NAB1: variants seen among roughly 807,000 people sequenced by gnomAD.
NAB1 encodes NGFI-A-binding protein 1.
Under a neutral mutation model 49.9 loss-of-function variants are expected in NAB1, and 25 were observed. That is an observed-to-expected ratio of 0.50 (90% confidence interval 0.37 to 0.70). The LOEUF is 0.70. Ranked by LOEUF, NAB1 falls within the 30% of genes least tolerant of loss-of-function variation. The pLI is 0.00. For synonymous variants in NAB1, 198 were observed against 215.6 expected (o/e 0.92, Z 0.71); for missense variants, 489 against 575.9 (o/e 0.85, Z 1.54).
chr2:190,673,069 T>TG (rs1694897030), intron 5 of NAB1, 32 bp from the exon 6 acceptor site: 1 of 1,147,630 alleles, frequency 8.7e-7, no homozygotes, highest in Non-Finnish European at 1.2e-6. Flanking sequence ...TTTCTCAAGT[T>TG]TTTTTTTTTT....
Position 190,685,703 on chromosome 2 carries a change from C to A in NAB1, c.1258+65C>A. ...GTGCACTTCAAAGAGAAACAGAAGA[C>A]AGTGGCTGATTTTTAAATTATGATA... On this transcript the variant is annotated intron_variant, in intron 8 of 9. Coordinates refer to ENST00000337386, the MANE Select transcript of NAB1 (RefSeq NM_005966.4). This position sits in a 1 kb window ranked among gnomAD's most constrained non-coding sequence, Gnocchi z 4.5. The A allele has an allele frequency of 2.4e-6, 3 of 1,230,022 alleles. No individual in the cohort carries two copies. Among genetic ancestry groups the A allele is most frequent in the Non-Finnish European group, 3.2e-6 (3 of 938,072 alleles). The allele number at this position is 1,230,022 out of a possible 1,614,324, so 76.2% of individuals were successfully genotyped here. A position where few individuals can be genotyped will look rare whatever the true frequency, so the allele number is the denominator to read the frequency against.
Position 190,661,104 on chromosome 2 carries a change from T to G in NAB1, c.819+1109T>G, listed in dbSNP as rs77520206. On this transcript the variant is annotated intron_variant, in intron 4 of 9. Transcript: ENST00000337386. ...CACCACACCAAGTTAATTTTTTAAG[T>G]TTTTCATAGAGATGGGAGTTTCTCC... 5.5e-3 allele frequency among the ~76,000 whole-genome samples: 842 copies of G among 152,178 alleles called. 4 individuals carry two copies. Among genetic ancestry groups the G allele is most frequent in the Admixed American group, 8.9e-3 (136 of 15,290 alleles).
chr2:190,673,424 A>T (rs1458424109), intron 6 of NAB1, among the ~76,000 whole-genome samples: 1 of 151,976 alleles, frequency 6.6e-6, no homozygotes, highest in East Asian at 1.9e-4. Context: ...TTGCACTCAA[A>T]CTCCTGGGCT....
At chr2:190,671,743 T>C (rs1694818588) in intron 5 of NAB1, among the ~76,000 whole-genome samples, 1 of 150,920 alleles carries the variant, frequency 6.6e-6, no homozygotes, top group Admixed American at 6.6e-5. Flanking sequence ...TTTAGCCATT[T>C]CCTCTAGTAT....
At position 190,667,724 on chromosome 2, in the gene NAB1, G is replaced by A. The variant is rs1385837865; in HGVS notation, c.820-2602G>A. 6.6e-6 allele frequency among the ~76,000 whole-genome samples: 1 copy of A among 152,032 alleles called. No individual in the cohort carries two copies. The highest frequency in any genetic ancestry group is 2.4e-5 in the African/African-American group (1 of 41,374). ...ATTACAGTTATAAATTTGGGGAGGA[G>A]GATGTTAAATATCTATATCATACCA... is the stretch of plus-strand genomic sequence containing the variant. On this transcript the variant is annotated intron_variant, in intron 4 of 9. Transcript: ENST00000337386. This position sits in a 1 kb window ranked among gnomAD's most constrained non-coding sequence, Gnocchi z 4.4.
In NAB1 at chr2:190,681,654, G is replaced by A. The variant is rs148912736; in HGVS notation, c.1006-2084G>A. ...AAGCTACATAGGACCATCTTAAGAC[G>A]TTAAGTTTATTAGCTCTTGGCTCTA... On this transcript the variant is annotated intron_variant, in intron 6 of 9. Coordinates refer to ENST00000337386, the MANE Select transcript of NAB1 (RefSeq NM_005966.4). 2.9e-4 allele frequency among the ~76,000 whole-genome samples: 44 copies of A among 152,278 alleles called. 1 individual carries two copies. Among genetic ancestry groups the A allele is most frequent in the Middle Eastern group, 3.4e-3 (1 of 294 alleles).
chr2:190,655,568 G>A (rs149153890), intron 2 of NAB1, among the ~76,000 whole-genome samples: 24 of 152,332 alleles, frequency 1.6e-4, no homozygotes, highest in African/African-American at 5.3e-4. Flanking sequence ...AGATTAATGA[G>A]AGAGAGGCCC....
At chr2:190,681,984 A>G (rs1695371053) in intron 6 of NAB1, among the ~76,000 whole-genome samples, 1 of 152,178 alleles carries the variant, frequency 6.6e-6, no homozygotes, top group African/African-American at 2.4e-5. Flanking sequence ...TTTAATTGTA[A>G]ATGCTAATTT....
Position 190,673,084 on chromosome 2 carries a change from TC to T in NAB1, c.954-16del. 3 of 1,580,974 alleles carry T rather than the reference TC, an allele frequency of 1.9e-6. No individual in the cohort carries two copies. Among genetic ancestry groups the T allele is most frequent in the Admixed American group, 1.8e-5 (1 of 56,168 alleles). On this transcript the variant is annotated splice_polypyrimidine_tract_variant and intron_variant, in intron 5 of 9. Coordinates refer to ENST00000337386, the MANE Select transcript of NAB1 (RefSeq NM_005966.4). ...TTTCTCAAGTTTTTTTTTTTTTTTC[TC>T]TCCCCTTTCCCTTAGGTCAAAATGT...
rs1425832188 is a variant in NAB1 at position 190,691,731 on chromosome 2, A to C, written c.*1398A>C. ...GCATCTAAACCCAGATATTACTGAG[A>C]AGAGTGTATTGACTCTGAGTGTAAG... On this transcript the variant is annotated 3_prime_UTR_variant, in exon 10 of 10. Coordinates refer to ENST00000337386, the MANE Select transcript of NAB1 (RefSeq NM_005966.4). The surrounding 1 kb of genome is among the most constrained non-coding windows in gnomAD (Gnocchi z 4.1). 1 of 152,184 alleles carries C rather than the reference A, an allele frequency of 6.6e-6. No homozygotes were observed. The highest frequency in any genetic ancestry group is 1.5e-5 in the Non-Finnish European group (1 of 67,992). 9.4% of individuals were successfully genotyped at this position (152,184 alleles called of 1,614,324 possible).
rs149505976 is a variant in NAB1, at chr2:190,687,263, G to A, written c.1321G>A (p.Val441Met). 9.2e-5 allele frequency: 148 copies of A among 1,601,078 alleles called. 1 individual carries two copies. In the Middle Eastern group the frequency reaches 1.5e-3, roughly 16 times the overall value. The change falls in exon 9 of 10, where the codon GTG (valine) becomes ATG (methionine). Residue 441 changes from valine to methionine, a missense_variant. Around this residue, in one of 4 missense-constraint regions of NAB1, gnomAD observed 212 missense variants for 199.3 expected, o/e 1.06. Transcript: ENST00000337386. ...GAACAGACAACCCCATCATTTTGTG[G>A]TGGATGGGGAGCTGAGCAGACTTTA... The part of the protein sequence containing the change: ...LQNRQPHHFV[V>M]DGELSRLYPS...
chr2:190,655,022 T>G lies in NAB1; in HGVS notation c.-196-955T>G, dbSNP rs534562428. On this transcript the variant is annotated intron_variant, in intron 2 of 9. Coordinates refer to ENST00000337386, the MANE Select transcript of NAB1 (RefSeq NM_005966.4). ...AGGTTTTGACAATGCCCAGGTGGAA[T>G]GCCAAATTACAGTTCAGAAGAACAG... Among the ~76,000 whole-genome samples, 319 of 152,350 alleles carry G rather than the reference T, an allele frequency of 2.1e-3. 2 individuals carry two copies. The highest frequency in any genetic ancestry group is 7.4e-3 in the African/African-American group (309 of 41,570).
chr2:190,658,727 G>A (rs957124077), intron 3 of NAB1, among the ~76,000 whole-genome samples: 1 of 152,184 alleles, frequency 6.6e-6, no homozygotes. Context: ...TTAGACATAC[G>A]TAATGTAAAG....
At chr2:190,671,554 T>C (rs1375226351) in intron 5 of NAB1, among the ~76,000 whole-genome samples, 1 of 152,126 alleles carries the variant, frequency 6.6e-6, no homozygotes, top group Admixed American at 6.5e-5. Flanking sequence ...TTCATTGTAT[T>C]ATACACTATT....
rs1214695546 is a variant in NAB1, at chr2:190,663,135, T to C, written c.819+3140T>C. ...AGATTTCAGCATCTAACACTTGAAA[T>C]GCTGGACTTTTCCTTCTGATGATTT... On this transcript the variant is annotated intron_variant, in intron 4 of 9. Coordinates refer to ENST00000337386, the MANE Select transcript of NAB1 (RefSeq NM_005966.4). This position sits in a 1 kb window ranked among gnomAD's most constrained non-coding sequence, Gnocchi z 4.2. Among the ~76,000 whole-genome samples, 1 of 152,228 alleles carries C rather than the reference T, an allele frequency of 6.6e-6. No individual in the cohort carries two copies. The highest frequency in any genetic ancestry group is 1.5e-5 in the Non-Finnish European group (1 of 68,034).
intron 6 of NAB1, among the ~76,000 whole-genome samples, chr2:190,683,104 T>C (rs893733116): frequency 1.3e-5 from 2 of 152,064 alleles, no homozygotes; most frequent in African/African-American, 4.8e-5. Flanking sequence ...GTTTTGTTTT[T>C]GTTTTTGTTT....
rs1257834234 is a variant in NAB1, at chr2:190,676,061, G to A, written c.1005+2909G>A. Among the ~76,000 whole-genome samples, 16 of 152,164 alleles carry A rather than the reference G, an allele frequency of 1.1e-4. No individual in the cohort carries two copies. Among genetic ancestry groups the A allele is most frequent in the Non-Finnish European group, 1.2e-4 (8 of 68,030 alleles). ...CCTTAAAACTTTTCACCAAGTACTG[G>A]TGCTTTATGTCTACCTTCTATATGG... On this transcript the variant is annotated intron_variant, in intron 6 of 9. Coordinates refer to ENST00000337386, the MANE Select transcript of NAB1 (RefSeq NM_005966.4). This position sits in a 1 kb window ranked among gnomAD's most constrained non-coding sequence, Gnocchi z 4.6.
chr2:190,654,296 C>G lies in NAB1; in HGVS notation c.-196-1681C>G, dbSNP rs1693813611. On this transcript the variant is annotated intron_variant, in intron 2 of 9. Coordinates refer to ENST00000337386, the MANE Select transcript of NAB1 (RefSeq NM_005966.4). The surrounding 1 kb of genome is among the most constrained non-coding windows in gnomAD (Gnocchi z 5.6). The stretch of plus-strand genomic sequence containing the variant: ...TTTAAGTCTCTGCTTCTTGTCTCTC[C>G]TTGCTCTTAACTGACTCTCCATGAA... Among the ~76,000 whole-genome samples the G allele has an allele frequency of 6.6e-6, 1 of 152,192 alleles. No individual in the cohort carries two copies. Among genetic ancestry groups the G allele is most frequent in the Admixed American group, 6.5e-5 (1 of 15,282 alleles).
chr2:190,649,798 T>G lies in NAB1; in HGVS notation c.-333-48T>G, dbSNP rs1693562729. The G allele has an allele frequency of 6.6e-6, 1 of 152,218 alleles. No homozygotes were observed. Among genetic ancestry groups the G allele is most frequent in the Admixed American group, 6.5e-5 (1 of 15,288 alleles). The allele number at this position is 152,218 out of a possible 1,614,324, so 9.4% of individuals were successfully genotyped here. A position where few individuals can be genotyped will look rare whatever the true frequency, so the allele number is the denominator to read the frequency against. On this transcript the variant is annotated intron_variant, in intron 1 of 9. Coordinates refer to ENST00000337386, the MANE Select transcript of NAB1 (RefSeq NM_005966.4). This position sits in a 1 kb window ranked among gnomAD's most constrained non-coding sequence, Gnocchi z 6.1. ...AAGTGCTGCACTTACCGTCTCGATT[T>G]TCTTCTTGGGTATCTTCCCTTTCCG...
Sources: gnomAD v4.1 joint callset for allele counts (sites outside exome capture counted in the v4.1 genomes callset) on GRCh38, gnomAD v4.1.1 for gene constraint, gnomAD v4.1.1 regional missense constraint, Gnocchi (gnomAD v3.1) non-coding constraint, MANE v1.5 for transcripts, NCBI Gene and HGNC (gene_info 2026-07-23, HGNC 2026-07-21) for gene names.